The following IGF2BP2 variants were observed in gnomAD, a reference collection of about 807,000 sequenced individuals.
The protein encoded by IGF2BP2 is insulin like growth factor 2 mRNA binding protein 2, also known as insulin-like growth factor 2 mRNA-binding protein 2.
A neutral mutation model predicts 75.8 loss-of-function variants in IGF2BP2; 17 were observed. The observed-to-expected ratio is 0.22, with a 90% CI of 0.15 to 0.34. The LOEUF (loss-of-function observed/expected upper bound fraction) is 0.34. IGF2BP2 is among the 10% of genes least tolerant of loss of function. The probability of loss-of-function intolerance (pLI) is 1.00; values close to 1 mark genes in which losing one functional copy is unlikely to be tolerated. For synonymous variants in IGF2BP2, 288 were observed against 295.6 expected (o/e 0.97, Z 0.26); for missense variants, 516 against 772.4 (o/e 0.67, Z 3.93).
intron 2 of IGF2BP2, among the ~76,000 whole-genome samples, chr3:185,794,843 T>C (rs1263322930): frequency 6.6e-6 from 1 of 152,072 alleles, no homozygotes; most frequent in South Asian, 2.1e-4. Context: ...CTCTAGCCCC[T>C]GGCAACTACC....
intron 2 of IGF2BP2, among the ~76,000 whole-genome samples, chr3:185,822,003 TAAAA>T (rs150655061): frequency 6.7e-6 from 1 of 148,626 alleles, no homozygotes; most frequent in Non-Finnish European, 1.5e-5. Context: ...TTTTTTAAAT[TAAAA>T]AAAAAACAGG....
At chr3:185,787,763 A>C (rs1325510954) in intron 2 of IGF2BP2, among the ~76,000 whole-genome samples, 1 of 152,150 alleles carries the variant, frequency 6.6e-6, no homozygotes, top group Non-Finnish European at 1.5e-5. Flanking sequence ...ACGAGTTACA[A>C]AGCTGCAAGT....
intron 2 of IGF2BP2, among the ~76,000 whole-genome samples, chr3:185,798,786 TC>T (rs1234524153): frequency 5.8e-5 from 8 of 138,824 alleles, no homozygotes; most frequent in South Asian, 2.4e-4. Flanking sequence ...TTTTCTTTTT[TC>T]TTTTTTTCTT....
chr3:185,674,339 C>T (rs1227392135), intron 9 of IGF2BP2, among the ~76,000 whole-genome samples: 2 of 152,142 alleles, frequency 1.3e-5, no homozygotes, highest in East Asian at 1.9e-4. Context: ...CTTATTGGAG[C>T]ATCCATTCAC....
At chr3:185,654,161 AT>A (rs1715051361) in intron 12 of IGF2BP2, among the ~76,000 whole-genome samples, 1 of 152,180 alleles carries the variant, frequency 6.6e-6, no homozygotes, top group Admixed American at 6.5e-5. Flanking sequence ...TCCTTGGTGG[AT>A]GCGGATAAAT....
intron 2 of IGF2BP2, among the ~76,000 whole-genome samples, chr3:185,733,187 C>A (rs1001655609): frequency 1.3e-5 from 2 of 152,178 alleles, no homozygotes; most frequent in African/African-American, 4.8e-5. Context: ...ATCATCTATT[C>A]TCATTCTTAT....
chr3:185,716,998 A>T, intron 2 of IGF2BP2: 1 of 351,962 alleles, frequency 2.8e-6, no homozygotes, highest in South Asian at 2.2e-5. Flanking sequence ...GGATGACTAT[A>T]AACAAGTGAA....
chr3:185,683,686 G>A (rs1298089937), intron 7 of IGF2BP2, among the ~76,000 whole-genome samples: 2 of 152,160 alleles, frequency 1.3e-5, no homozygotes, highest in Admixed American at 1.3e-4. Context: ...TGGGATTACA[G>A]GCATGAGACA....
At chr3:185,675,205 A>G in intron 9 of IGF2BP2, 91 bp downstream of exon 9, 1 of 1,319,808 alleles carries the variant, frequency 7.6e-7, no homozygotes, top group Non-Finnish European at 1.0e-6. Flanking sequence ...AAAACTCTGC[A>G]TACCTATCCT....
chr3:185,689,491 G>A lies in IGF2BP2; in HGVS notation c.541C>T (p.His181Tyr). ...RGDHSSREQG[H>Y]APGGTSQARQ... is the part of the protein sequence containing the mutation. ...GCCTGAGAAGTGCCCCCAGGGGCGT[G>A]GCCTTGCTCCCGGGAAGAGTGGTCC... The change falls in exon 6 of 16, where the codon CAC becomes TAC. Residue 181 changes from histidine (H) to tyrosine (Y), a missense_variant. His to Tyr is a moderately conservative substitution (Grantham distance 83). Coordinates refer to ENST00000382199, the MANE Select transcript of IGF2BP2 (RefSeq NM_006548.6). The A allele has an allele frequency of 6.2e-7, 1 of 1,614,028 alleles. No individual in the cohort carries two copies. Among genetic ancestry groups the A allele is most frequent in the Middle Eastern group, 1.7e-4 (1 of 6,032 alleles).
At chr3:185,715,165 A>G (rs1332849953) in intron 2 of IGF2BP2, among the ~76,000 whole-genome samples, 1 of 152,212 alleles carries the variant, frequency 6.6e-6, no homozygotes, top group Non-Finnish European at 1.5e-5. Context: ...GGGAAAAGTG[A>G]GAGCATAGAG....
At chr3:185,765,211 G>C (rs1732885035) in intron 2 of IGF2BP2, among the ~76,000 whole-genome samples, 1 of 152,068 alleles carries the variant, frequency 6.6e-6, no homozygotes, top group African/African-American at 2.4e-5. Context: ...TTTAACTTCT[G>C]CTCTACACAC....
chr3:185,787,641 G>A (rs1736079299), intron 2 of IGF2BP2, among the ~76,000 whole-genome samples: 2 of 151,958 alleles, frequency 1.3e-5, no homozygotes, highest in African/African-American at 2.4e-5. Context: ...GCCGTGGCCC[G>A]AGAATCACTT....
intron 7 of IGF2BP2, among the ~76,000 whole-genome samples, chr3:185,676,155 A>G (rs1375468145): frequency 6.6e-6 from 1 of 152,162 alleles, no homozygotes; most frequent in African/African-American, 2.4e-5. Context: ...CATGAGGCTG[A>G]TCTGGCCAAT....
At position 185,647,103 on chromosome 3, in the gene IGF2BP2, G is replaced by A. The variant is rs1463588177; in HGVS notation, c.1629C>T (p.Val543=). 1.9e-6 allele frequency: 3 copies of A among 1,614,166 alleles called. No individual in the cohort carries two copies. Among genetic ancestry groups the A allele is most frequent in the South Asian group, 1.1e-5 (1 of 91,078 alleles). The stretch of plus-strand genomic sequence containing the variant: ...CTGGCGTTTGGTCACGAGGCACGAT[G>A]ACTTCTGCACTGGTTAAGTTCTGCA... ...NELQNLTSAE[V]IVPRDQTPDE... is the part of the protein sequence containing the mutation. The change falls in exon 15 of 16, where the codon GTC becomes GTT. Residue 543 remains valine (V), a synonymous_variant. Transcript: ENST00000382199. The surrounding 1 kb of genome is among the most constrained non-coding windows in gnomAD (Gnocchi z 4.9).
Position 185,804,242 on chromosome 3 carries a change from C to A in IGF2BP2, c.239+18911G>T, listed in dbSNP as rs530362498. ...TTGTACTCCAGCCTGGACAACAGAG[C>A]AAGACTACGTCTCAAAAAAAAAAAA... On this transcript the variant is annotated intron_variant, in intron 2 of 15. Transcript: ENST00000382199. Among the ~76,000 whole-genome samples the A allele has an allele frequency of 2.0e-3, 251 of 127,960 alleles. 3 individuals carry two copies. The highest frequency in any genetic ancestry group is 7.2e-3 in the African/African-American group (233 of 32,458). 83.9% of individuals were successfully genotyped at this position (127,960 alleles called of 152,430 possible).
intron 2 of IGF2BP2, among the ~76,000 whole-genome samples, chr3:185,732,811 A>C (rs966113918): frequency 1.3e-5 from 2 of 152,252 alleles, no homozygotes; most frequent in Admixed American, 1.3e-4. Flanking sequence ...TAATGTAAGC[A>C]ATGTGTGGGA....
In IGF2BP2 at chr3:185,649,621, G is replaced by A. The variant is rs1714223127; in HGVS notation, c.1462-87C>T. On this transcript the variant is annotated intron_variant, in intron 13 of 15. Coordinates refer to ENST00000382199, the MANE Select transcript of IGF2BP2 (RefSeq NM_006548.6). Reference sequence around the variant, plus strand: ...GCTGCGAAGGGCACTGGAGAGTCCAGACAATGGGTCAGTCCCATTCCCACA... The same window carrying A: ...GCTGCGAAGGGCACTGGAGAGTCCAAACAATGGGTCAGTCCCATTCCCACA... The A allele has an allele frequency of 9.6e-6, 15 of 1,555,846 alleles. No homozygotes were observed. In the South Asian group the frequency reaches 1.7e-4, roughly 18 times the overall value.
At chr3:185,661,954 G>A (rs1421622171) in intron 10 of IGF2BP2, among the ~76,000 whole-genome samples, 2 of 152,164 alleles carry the variant, frequency 1.3e-5, no homozygotes, top group Non-Finnish European at 2.9e-5. Flanking sequence ...TCCAGAGCTA[G>A]AAAAGGGGTT....
Sources: allele counts gnomAD v4.1 joint callset (sites outside exome capture counted in the v4.1 genomes callset), GRCh38; gene constraint gnomAD v4.1.1; non-coding constraint Gnocchi (gnomAD v3.1); transcripts MANE v1.5; gene names NCBI Gene and HGNC (gene_info 2026-07-23, HGNC 2026-07-21).